Variants in NCALD observed in about 807,000 individuals in gnomAD.
NCALD encodes the protein neurocalcin-delta.
In NCALD, 10 loss-of-function variants were observed where a neutral mutation model predicts 18.6. That is an observed-to-expected ratio of 0.54 (90% CI 0.33 to 0.91). NCALD has a LOEUF of 0.91. Among genes scored for constraint, NCALD ranks in the 40% least tolerant of loss-of-function variants. The probability of loss-of-function intolerance (pLI) is 0.03; values close to 1 mark genes in which losing one functional copy is unlikely to be tolerated. For synonymous variants in NCALD, 88 were observed against 87.4 expected, an observed-to-expected ratio of 1.01 and a Z score of -0.04; for missense variants, 184 against 247.6, an observed-to-expected ratio of 0.74 and a Z score of 1.72.
chr8:101,949,828 G>T (rs374902196), intron 2 of NCALD, among the ~76,000 whole-genome samples: 1 of 152,162 alleles, frequency 6.6e-6, no homozygotes, highest in South Asian at 2.1e-4. Flanking sequence ...GAGGTGGTTG[G>T]TTTCTTAAAA....
At chr8:102,088,085 G>GAACAT (rs1824800339) in intron 1 of NCALD, among the ~76,000 whole-genome samples, 1 of 152,230 alleles carries the variant, frequency 6.6e-6, no homozygotes, top group South Asian at 2.1e-4. Context: ...GTCATAGAGA[G>GAACAT]GGTTACCTTA....
chr8:101,702,628 A>G (rs1815321781), intron 2 of NCALD, among the ~76,000 whole-genome samples: 1 of 152,210 alleles, frequency 6.6e-6, no homozygotes, highest in East Asian at 1.9e-4. Flanking sequence ...ACCCAGCACT[A>G]TGCCCTTTTA....
chr8:101,847,092 T>A (rs1403915348), intron 4 of NCALD, among the ~76,000 whole-genome samples: 3 of 152,200 alleles, frequency 2.0e-5, no homozygotes, highest in African/African-American at 7.2e-5. Flanking sequence ...TGACACAGTT[T>A]TTATGAATAA....
intron 4 of NCALD, among the ~76,000 whole-genome samples, chr8:101,840,503 G>A (rs895825260): frequency 1.4e-4 from 21 of 152,278 alleles, no homozygotes; most frequent in Middle Eastern, 3.4e-3. Flanking sequence ...AAAAGTAGGT[G>A]CATGAAAACT....
At chr8:101,904,788 T>C (rs1223096610) in intron 3 of NCALD, among the ~76,000 whole-genome samples, 2 of 152,212 alleles carry the variant, frequency 1.3e-5, no homozygotes, top group African/African-American at 4.8e-5. Context: ...GATTTCCAGG[T>C]TGCCAAACGC....
At position 101,687,863 on chromosome 8, in the gene NCALD, G is replaced by T. The variant is rs766311568; in HGVS notation, c.*1446C>A. ...CCAGACCAAACAGCAACTCAGACTT[G>T]TGCTGTCACTTCTGGAAATAGAAGT... On this transcript the variant is annotated 3_prime_UTR_variant, in exon 4 of 4. Transcript: ENST00000220931. 7.9e-5 allele frequency: 12 copies of T among 152,170 alleles called. No homozygotes were observed. Among genetic ancestry groups the T allele is most frequent in the Non-Finnish European group, 1.6e-4 (11 of 68,038 alleles). 9.4% of individuals were successfully genotyped at this position (152,170 alleles called of 1,614,324 possible).
intron 4 of NCALD, among the ~76,000 whole-genome samples, chr8:101,806,269 T>A (rs1223355585): frequency 6.6e-6 from 1 of 152,034 alleles, no homozygotes; most frequent in East Asian, 1.9e-4. Context: ...CTATATTACC[T>A]TAAAGGTCCA....
chr8:102,097,337 T>C (rs1327952625), intron 1 of NCALD, among the ~76,000 whole-genome samples: 2 of 152,216 alleles, frequency 1.3e-5, no homozygotes, highest in African/African-American at 4.8e-5. Context: ...ATTTTCCACC[T>C]ATTATTTCAT....
chr8:101,843,211 T>C (rs1814715102), intron 4 of NCALD, among the ~76,000 whole-genome samples: 1 of 152,228 alleles, frequency 6.6e-6, no homozygotes, highest in Non-Finnish European at 1.5e-5. Flanking sequence ...ACTAAAAATC[T>C]GTTGAATAAA....
chr8:101,875,748 A>G (rs1816204844), intron 4 of NCALD, among the ~76,000 whole-genome samples: 1 of 152,234 alleles, frequency 6.6e-6, no homozygotes, highest in Non-Finnish European at 1.5e-5. Context: ...CATGAGGAAG[A>G]TGTCCACATT....
intron 2 of NCALD, among the ~76,000 whole-genome samples, chr8:101,988,154 C>CAAAAAAAAAAAA (rs141735735): frequency 5.4e-5 from 2 of 37,116 alleles, no homozygotes; most frequent in African/African-American, 1.4e-4. Flanking sequence ...GACTCCGTCT[C>CAAAAAAAAAAAA]AAAAAAAAAA....
intron 2 of NCALD, among the ~76,000 whole-genome samples, chr8:101,958,236 C>T (rs185537250): frequency 6.6e-5 from 10 of 152,062 alleles, no homozygotes; most frequent in African/African-American, 1.9e-4. Flanking sequence ...CACTTGTAAT[C>T]GACATGTTTT....
At chr8:102,083,564 A>C (rs1313769313) in intron 1 of NCALD, among the ~76,000 whole-genome samples, 1 of 152,152 alleles carries the variant, frequency 6.6e-6, no homozygotes, top group East Asian at 1.9e-4. Context: ...TGTATTATCA[A>C]AGTCAAAAAG....
At chr8:101,844,230 G>A (rs1814771652) in intron 4 of NCALD, among the ~76,000 whole-genome samples, 1 of 152,174 alleles carries the variant, frequency 6.6e-6, no homozygotes, top group Admixed American at 6.5e-5. Flanking sequence ...TGCAGCTTTA[G>A]TCCACTTTCC....
chr8:101,792,451 G>A (rs1022956382), upstream of NCALD, among the ~76,000 whole-genome samples: 1 of 152,272 alleles, frequency 6.6e-6, no homozygotes, highest in South Asian at 2.1e-4. Context: ...TTCCTGATGC[G>A]ATTAGCTGTG....
At chr8:101,908,352 GT>G (rs967109818) in intron 3 of NCALD, among the ~76,000 whole-genome samples, 1 of 151,958 alleles carries the variant, frequency 6.6e-6, no homozygotes, top group African/African-American at 2.4e-5. Context: ...GTGTTGTTTG[GT>G]TTTTTTCTCG....
At chr8:101,816,804 G>A (rs1008536466) in intron 4 of NCALD, among the ~76,000 whole-genome samples, 5 of 152,198 alleles carry the variant, frequency 3.3e-5, no homozygotes, top group Middle Eastern at 3.4e-3. Flanking sequence ...ATGGACTTTG[G>A]GTGATTATGT....
chr8:101,941,177 C>A (rs1436342597), intron 2 of NCALD, among the ~76,000 whole-genome samples: 1 of 152,200 alleles, frequency 6.6e-6, no homozygotes, highest in Non-Finnish European at 1.5e-5. Flanking sequence ...CTTTATGACA[C>A]CAGGCACTTG....
At chr8:101,714,995 C>T (rs1006032544) in intron 2 of NCALD, among the ~76,000 whole-genome samples, 2 of 134,344 alleles carry the variant, frequency 1.5e-5, no homozygotes, top group Non-Finnish European at 3.2e-5. Context: ...CAGAGCGAGA[C>T]TCCGTCTCAA....
Sources: allele counts gnomAD v4.1 joint callset (sites outside exome capture counted in the v4.1 genomes callset), GRCh38; gene constraint gnomAD v4.1.1; transcripts MANE v1.5; gene names NCBI Gene and HGNC (gene_info 2026-07-23, HGNC 2026-07-21).